FAM227B: variants seen among roughly 807,000 people sequenced by gnomAD.
FAM227B encodes the protein family with sequence similarity 227 member B.
A neutral mutation model predicts 73.8 loss-of-function variants in FAM227B; 88 were observed. That is an observed-to-expected ratio of 1.19 (90% CI 1.00 to 1.42). The LOEUF is 1.42. FAM227B is among the 40% of genes most tolerant of loss of function. The probability of loss-of-function intolerance (pLI) is 0.00; values close to 1 mark genes in which losing one functional copy is unlikely to be tolerated. For missense variants in FAM227B, 632 were observed against 590.9 expected (o/e 1.07, Z -0.72); for synonymous variants, 210 against 190.5 (o/e 1.10, Z -0.84).
chr15:49,468,228 G>T (rs2413959), intron 11 of FAM227B, among the ~76,000 whole-genome samples: 49,289 of 151,934 alleles, frequency 0.32, 8,720 homozygotes, highest in African/African-American at 0.45. Flanking sequence ...TAAGAAGTAT[G>T]TTTGATTTAT....
rs562295819 is a variant in FAM227B at position 49,526,498 on chromosome 15, A to G, written c.874+15182T>C. ...TTTACCCCAAGGAACTAGAAAAACA[A>G]GAACAAACTAAACCCAAAGCTACAA... is the stretch of plus-strand genomic sequence containing the variant. On this transcript the variant is annotated intron_variant, in intron 10 of 15. Transcript: ENST00000299338. Among the ~76,000 whole-genome samples the G allele has an allele frequency of 2.6e-5, 4 of 152,262 alleles. No individual in the cohort carries two copies. The South Asian group carries it at 8.3e-4, about 32-fold the overall frequency.
intron 11 of FAM227B, among the ~76,000 whole-genome samples, chr15:49,480,223 A>G (rs1257550271): frequency 1.3e-5 from 2 of 152,214 alleles, no homozygotes; most frequent in African/African-American, 2.4e-5. Context: ...AGTTAAACGT[A>G]GAATCTTTAC....
chr15:49,536,551 T>C (rs1218234804), intron 10 of FAM227B, among the ~76,000 whole-genome samples: 2 of 151,904 alleles, frequency 1.3e-5, no homozygotes, highest in African/African-American at 2.4e-5. Flanking sequence ...TTCACAGAAA[T>C]AGAATAAACA....
chr15:49,461,069 T>A (rs2053753098), intron 11 of FAM227B, among the ~76,000 whole-genome samples: 1 of 152,160 alleles, frequency 6.6e-6, no homozygotes, highest in Non-Finnish European at 1.5e-5. Context: ...CCATTTTTCT[T>A]AGTCTATTTC....
chr15:49,555,010 C>T (rs2073494984), intron 9 of FAM227B, among the ~76,000 whole-genome samples: 2 of 152,166 alleles, frequency 1.3e-5, no homozygotes, highest in East Asian at 1.9e-4. Flanking sequence ...AGACAGCATA[C>T]AGTTGGGTCT....
intron 11 of FAM227B, among the ~76,000 whole-genome samples, chr15:49,471,269 T>TG (rs11427199): frequency 0.9 from 136,390 of 151,776 alleles, 62,331 homozygotes; most frequent in Non-Finnish European, 0.98. Flanking sequence ...GTGGATCACC[T>TG]AGGTCAGGAG....
chr15:49,491,412 A>C (rs1274866819), intron 11 of FAM227B, among the ~76,000 whole-genome samples: 1 of 151,912 alleles, frequency 6.6e-6, no homozygotes, highest in African/African-American at 2.4e-5. Flanking sequence ...AATTGGCTCT[A>C]ACTCGACTGT....
chr15:49,588,600 T>A (rs1170155766), intron 4 of FAM227B, among the ~76,000 whole-genome samples: 11 of 104,678 alleles, frequency 1.1e-4, no homozygotes, highest in African/African-American at 1.8e-4. Context: ...TATATATATA[T>A]AAAATTACCT....
intron 9 of FAM227B, among the ~76,000 whole-genome samples, chr15:49,543,422 G>A (rs959741370): frequency 6.6e-6 from 1 of 152,118 alleles, no homozygotes; most frequent in South Asian, 2.1e-4. Flanking sequence ...TTTGTCGGAT[G>A]CATAGCTTGC....
chr15:49,534,098 T>A (rs993130137), intron 10 of FAM227B, among the ~76,000 whole-genome samples: 7 of 151,832 alleles, frequency 4.6e-5, no homozygotes, highest in Non-Finnish European at 8.8e-5. Flanking sequence ...ATTACAACAG[T>A]CTATTTTGAT....
In FAM227B at chr15:49,611,248, C is replaced by T. The variant is rs1443749336; in HGVS notation, c.72G>A (p.Lys24=). The T allele has an allele frequency of 6.3e-7, 1 of 1,592,476 alleles. No homozygotes were observed. Among genetic ancestry groups the T allele is most frequent in the Non-Finnish European group, 8.6e-7 (1 of 1,163,774 alleles). ...GAAACTTTAAGAATTCTTCAATGCT[C>T]TTTGGAGGTTCTTGCATTTTCTAAT... ...AGPGKMQEPP[K]SIEEFLKFQN... The change falls in exon 3 of 16, where the codon AAG becomes AAA. Residue 24 remains lysine, a synonymous_variant. Transcript: ENST00000299338.
chr15:49,385,821 A>C (rs2046849667), intron 11 of FAM227B, among the ~76,000 whole-genome samples: 1 of 151,970 alleles, frequency 6.6e-6, no homozygotes, highest in South Asian at 2.1e-4. Context: ...TTCCATGCAA[A>C]TGGAAACCAA....
At chr15:49,474,152 C>T (rs73400247) in intron 11 of FAM227B, among the ~76,000 whole-genome samples, 3,978 of 152,124 alleles carry the variant, frequency 0.026, 188 homozygotes, top group African/African-American at 0.092. Flanking sequence ...CATTTATGGT[C>T]TATATCAAGG....
At chr15:49,446,083 A>G (rs1727232893) in intron 11 of FAM227B, among the ~76,000 whole-genome samples, 1 of 151,632 alleles carries the variant, frequency 6.6e-6, no homozygotes, top group South Asian at 2.1e-4. Context: ...GTTTTATTAA[A>G]TAATTCACTA....
intron 10 of FAM227B, among the ~76,000 whole-genome samples, chr15:49,533,375 G>A (rs1277391925): frequency 6.6e-6 from 1 of 151,858 alleles, no homozygotes; most frequent in East Asian, 1.9e-4. Context: ...TTCTGTATAT[G>A]TCTGTTAGGT....
intron 10 of FAM227B, among the ~76,000 whole-genome samples, chr15:49,510,736 G>T (rs977470586): frequency 2.0e-5 from 3 of 151,590 alleles, no homozygotes; most frequent in African/African-American, 2.4e-5. Flanking sequence ...TATTTTGGTG[G>T]TTTTTTTTCT....
At chr15:49,580,529 C>T (rs976862425) in intron 5 of FAM227B, among the ~76,000 whole-genome samples, 8 of 152,164 alleles carry the variant, frequency 5.3e-5, no homozygotes, top group African/African-American at 1.9e-4. Context: ...GAACATCAGC[C>T]CACACAGATG....
At chr15:49,407,643 T>C (rs1270745182) in intron 11 of FAM227B, among the ~76,000 whole-genome samples, 1 of 147,992 alleles carries the variant, frequency 6.8e-6, no homozygotes, top group African/African-American at 2.5e-5. Flanking sequence ...TTAATATATA[T>C]ATTATATTAT....
chr15:49,421,067 A>C (rs1168805439), intron 11 of FAM227B, among the ~76,000 whole-genome samples: 1 of 152,144 alleles, frequency 6.6e-6, no homozygotes, highest in Non-Finnish European at 1.5e-5. Flanking sequence ...ACAAATAACA[A>C]AAAAAAGACA....
Sources: gnomAD v4.1 joint callset for allele counts (sites outside exome capture counted in the v4.1 genomes callset) on GRCh38, gnomAD v4.1.1 for gene constraint, MANE v1.5 for transcripts, NCBI Gene and HGNC (gene_info 2026-07-23, HGNC 2026-07-21) for gene names.